The following KDM3A variants were observed in gnomAD, a reference collection of about 807,000 sequenced individuals.
KDM3A encodes the protein lysine-specific demethylase 3A.
KDM3A carries 60 observed loss-of-function variants against 158.0 expected under a neutral mutation model. The observed-to-expected ratio is 0.38, with a 90% CI of 0.31 to 0.47. KDM3A has a LOEUF of 0.47. Among genes scored for constraint, KDM3A ranks in the 20% least tolerant of loss-of-function variants. The pLI, the probability that KDM3A is intolerant of heterozygous loss-of-function variation, is 0.99. For missense variants in KDM3A, 1,319 were observed against 1,574.3 expected (o/e 0.84, Z 2.74); for synonymous variants, 608 against 549.3 (o/e 1.11, Z -1.49).
At chr2:86,461,616 C>G (rs1227183756) in intron 8 of KDM3A, among the ~76,000 whole-genome samples, 1 of 152,134 alleles carries the variant, frequency 6.6e-6, no homozygotes, top group Non-Finnish European at 1.5e-5. Flanking sequence ...AAGGTACTTT[C>G]ATGGTGTGAT....
chr2:86,450,978 A>C (rs937946367), intron 3 of KDM3A, 125 bp from the exon 4 acceptor site: 6 of 581,978 alleles, frequency 1.0e-5, no homozygotes, highest in Non-Finnish European at 1.8e-5. Flanking sequence ...TTATGAGATA[A>C]CTTGCAGTAA....
intron 10 of KDM3A, among the ~76,000 whole-genome samples, chr2:86,468,874 C>T (rs1022955135): frequency 2.0e-5 from 3 of 152,114 alleles, no homozygotes; most frequent in Non-Finnish European, 4.4e-5. Context: ...TTGCTCTCCT[C>T]AGTAAAGAGC....
chr2:86,456,633 G>T (rs1672711319), intron 6 of KDM3A, 67 bp downstream of exon 6: 1 of 1,461,882 alleles, frequency 6.8e-7, no homozygotes, highest in East Asian at 2.3e-5. Context: ...AAGCATTTAT[G>T]ATTTTCTAGG....
At chr2:86,471,183 C>G (rs1292366150) in intron 11 of KDM3A, among the ~76,000 whole-genome samples, 3 of 151,622 alleles carry the variant, frequency 2.0e-5, no homozygotes, top group Admixed American at 6.6e-5. Context: ...TTTAAAAAAT[C>G]TTTTCCAATT....
chr2:86,468,022 G>C (rs1209353749), intron 10 of KDM3A, among the ~76,000 whole-genome samples: 1 of 152,046 alleles, frequency 6.6e-6, no homozygotes, highest in African/African-American at 2.4e-5. Context: ...TGAGAGCTTG[G>C]CTCAAAAAAC....
Position 86,456,864 on chromosome 2 carries a change from C to G in KDM3A, c.741C>G (p.Asn247Lys), listed in dbSNP as rs147562032. ...TTCATGTTGAAGTTGTACACGATAA[C>G]CTTGTGACATGTGGTAAGATATGTT... The part of the protein sequence containing the change: ...SLIHVEVVHD[N>K]LVTCGNSARI... Residue 247 changes from asparagine to lysine, a missense_variant, in exon 7 of 26, where the codon AAC becomes AAG. Asn to Lys is a moderately conservative substitution (Grantham distance 94). Coordinates refer to ENST00000312912, the MANE Select transcript of KDM3A (RefSeq NM_018433.6). The G allele has an allele frequency of 6.2e-7, 1 of 1,610,284 alleles. No individual in the cohort carries two copies. The highest frequency in any genetic ancestry group is 2.2e-5 in the East Asian group (1 of 44,776).
Position 86,489,538 on chromosome 2 carries a change from A to G in KDM3A, c.3452A>G (p.Gln1151Arg). The change falls in exon 23 of 26, where the codon CAA becomes CGA. Residue 1151 changes from glutamine to arginine, a missense_variant. Coordinates refer to ENST00000312912, the MANE Select transcript of KDM3A (RefSeq NM_018433.6). ...EQEEEVLKTI[Q>R]DGDSDELTIK... ...GCTCTAGAAGTCCTTAAGACCATCC[A>G]AGATGGAGATTCTGACGAACTCACA... 2 of 1,613,642 alleles carry G rather than the reference A, an allele frequency of 1.2e-6. No individual in the cohort carries two copies. Among genetic ancestry groups the G allele is most frequent in the Non-Finnish European group, 8.5e-7 (1 of 1,179,818 alleles).
rs1263764237 is a variant in KDM3A at position 86,463,949 on chromosome 2, T to C, written c.844-104T>C. 1.7e-5 allele frequency: 13 copies of C among 747,286 alleles called. No homozygotes were observed. In the Admixed American group the frequency reaches 3.8e-4, roughly 22 times the overall value. 46.3% of individuals were successfully genotyped at this position (747,286 alleles called of 1,614,324 possible). A position where few individuals can be genotyped will look rare whatever the true frequency, so the allele number is the denominator to read the frequency against. Reference sequence around the variant, plus strand: ...TGTTTCTTTTTATTTGGCAATGGTATTATGTTTGTTTAGTATTAAGCAAAT... The same window carrying C: ...TGTTTCTTTTTATTTGGCAATGGTACTATGTTTGTTTAGTATTAAGCAAAT... On this transcript the variant is annotated intron_variant, in intron 8 of 25. Transcript: ENST00000312912.
intron 8 of KDM3A, 52 bp from the exon 9 acceptor site, chr2:86,464,001 A>G: frequency 2.3e-6 from 3 of 1,327,830 alleles, no homozygotes; most frequent in Admixed American, 4.9e-5. Context: ...GCATTTTATT[A>G]TTTCCTAACT....
intron 11 of KDM3A, among the ~76,000 whole-genome samples, chr2:86,474,450 G>A (rs1474304747): frequency 6.6e-6 from 1 of 151,822 alleles, no homozygotes; most frequent in African/African-American, 2.4e-5. Context: ...ATCACCTGAG[G>A]TCAGGAGTTC....
At chr2:86,483,851 A>C in intron 18 of KDM3A, 136 bp from the exon 19 acceptor site, 2 of 686,224 alleles carry the variant, frequency 2.9e-6, no homozygotes, top group Non-Finnish European at 4.8e-6. Context: ...ACTAAGCCGA[A>C]ACTGTCACAT....
intron 2 of KDM3A, among the ~76,000 whole-genome samples, chr2:86,444,627 G>GTA (rs1682880408): frequency 1.3e-5 from 2 of 149,652 alleles, no homozygotes; most frequent in Non-Finnish European, 3.0e-5. Flanking sequence ...CTTACACTAG[G>GTA]GTTTAGGGGC....
intron 2 of KDM3A, among the ~76,000 whole-genome samples, chr2:86,449,357 AGGT>A (rs1370222726): frequency 6.6e-6 from 1 of 152,216 alleles, no homozygotes; most frequent in Non-Finnish European, 1.5e-5. Context: ...ATTCAAAAGG[AGGT>A]GGTGGATTGT....
chr2:86,479,827 C>G (rs1445862088), intron 15 of KDM3A: 1 of 196,644 alleles, frequency 5.1e-6, no homozygotes, highest in Non-Finnish European at 1.0e-5. Context: ...TGTGCCTATC[C>G]TGAATTCTGG....
At chr2:86,477,374 C>T (rs185972435) in intron 12 of KDM3A, among the ~76,000 whole-genome samples, 2 of 152,292 alleles carry the variant, frequency 1.3e-5, no homozygotes, top group Admixed American at 6.5e-5. Flanking sequence ...TTTTAATGGG[C>T]AGTCTGAGTG....
At chr2:86,470,448 C>G (rs778995952) in intron 11 of KDM3A, 40 bp downstream of exon 11, 44 of 1,519,582 alleles carry the variant, frequency 2.9e-5, no homozygotes, top group Non-Finnish European at 3.8e-5. Flanking sequence ...TCTGGGCATA[C>G]TTGTTATGCT....
At chr2:86,439,186 G>A (rs187483943), upstream of KDM3A, among the ~76,000 whole-genome samples, 1 of 152,104 alleles carries the variant, frequency 6.6e-6, no homozygotes, top group East Asian at 1.9e-4. Context: ...AAGATCACAA[G>A]TGTTCAATGT....
chr2:86,437,445 T>C (rs1176628184), upstream of KDM3A, among the ~76,000 whole-genome samples: 2 of 152,188 alleles, frequency 1.3e-5, no homozygotes, highest in African/African-American at 2.4e-5. Flanking sequence ...CCGGCTTATA[T>C]ATACATTTTT....
chr2:86,480,331 A>G lies in KDM3A; in HGVS notation c.2481A>G (p.Leu827=), dbSNP rs1673861436. The change falls in exon 16 of 26, where the codon CTA becomes CTG. Residue 827 remains leucine (L), a synonymous_variant. Coordinates refer to ENST00000312912, the MANE Select transcript of KDM3A (RefSeq NM_018433.6). ...STSPLNWLAD[L]TSGNVNKENK... ...CTCCTCTAAACTGGCTGGCCGACCT[A>G]ACCAGCGGGAATGTCAACAAGGAAA... The G allele has an allele frequency of 4.3e-6, 7 of 1,613,252 alleles. No individual in the cohort carries two copies. The highest frequency in any genetic ancestry group is 5.9e-6 in the Non-Finnish European group (7 of 1,179,416).
Sources: allele counts gnomAD v4.1 joint callset (sites outside exome capture counted in the v4.1 genomes callset), GRCh38; gene constraint gnomAD v4.1.1; transcripts MANE v1.5; gene names NCBI Gene and HGNC (gene_info 2026-07-23, HGNC 2026-07-21).